Variants in HTR1F observed in about 807,000 individuals in gnomAD.
HTR1F encodes the protein 5-hydroxytryptamine (serotonin) receptor 1F, G protein-coupled.
Under a neutral mutation model 24.0 loss-of-function variants are expected in HTR1F, and 17 were observed. The observed-to-expected ratio is 0.71, with a 90% CI of 0.48 to 1.06. The LOEUF (loss-of-function observed/expected upper bound fraction) is 1.06, where lower values mean the gene tolerates loss of function less well. Ranked by LOEUF, HTR1F falls within the 50% of genes least tolerant of loss-of-function variation. The pLI, the probability that HTR1F is intolerant of heterozygous loss-of-function variation, is 0.00. For missense variants in HTR1F, 391 were observed against 427.8 expected (o/e 0.91, Z 0.76); for synonymous variants, 186 against 156.8 (o/e 1.19, Z -1.39).
intron 2 of HTR1F, among the ~76,000 whole-genome samples, chr3:87,974,100 T>C (rs1301933193): frequency 6.6e-6 from 1 of 152,226 alleles, no homozygotes; most frequent in Non-Finnish European, 1.5e-5. Flanking sequence ...AAACCTCGTC[T>C]GCTCAGCAGG....
intron 1 of HTR1F, among the ~76,000 whole-genome samples, chr3:87,800,463 T>G (rs1703973278): frequency 6.6e-6 from 1 of 152,236 alleles, no homozygotes; most frequent in Non-Finnish European, 1.5e-5. Flanking sequence ...GACTTCTTCC[T>G]TTGCTAAAAA....
chr3:87,968,851 C>T (rs72917716), intron 2 of HTR1F, among the ~76,000 whole-genome samples: 2 of 152,176 alleles, frequency 1.3e-5, no homozygotes, highest in Non-Finnish European at 2.9e-5. Flanking sequence ...AAGGCAAAAA[C>T]GGTTTCCTGG....
At chr3:87,833,942 C>T (rs1704633096) in intron 2 of HTR1F, among the ~76,000 whole-genome samples, 1 of 152,120 alleles carries the variant, frequency 6.6e-6, no homozygotes. Flanking sequence ...TACAAGTTCA[C>T]TTCTGATTGT....
intron 2 of HTR1F, among the ~76,000 whole-genome samples, chr3:87,863,728 T>G (rs182359930): frequency 6.6e-6 from 1 of 152,356 alleles, no homozygotes; most frequent in African/African-American, 2.4e-5. Flanking sequence ...ACTTCTACAC[T>G]TTAGGTATTT....
At chr3:87,916,318 A>AC (rs1390602593) in intron 2 of HTR1F, among the ~76,000 whole-genome samples, 1 of 150,974 alleles carries the variant, frequency 6.6e-6, no homozygotes, top group Non-Finnish European at 1.5e-5. Flanking sequence ...AGAAAAAAAA[A>AC]AAAAAAAAAA....
At chr3:87,938,176 C>T (rs1457805299) in intron 2 of HTR1F, among the ~76,000 whole-genome samples, 1 of 152,038 alleles carries the variant, frequency 6.6e-6, no homozygotes, top group Non-Finnish European at 1.5e-5. Flanking sequence ...ATCAGGAACA[C>T]AGTCCCGTTC....
chr3:87,934,852 T>G (rs1294096463), intron 2 of HTR1F, among the ~76,000 whole-genome samples: 1 of 152,162 alleles, frequency 6.6e-6, no homozygotes, highest in Non-Finnish European at 1.5e-5. Flanking sequence ...AATTTAAAGC[T>G]TATACTCTTA....
intron 2 of HTR1F, among the ~76,000 whole-genome samples, chr3:87,936,915 G>C (rs1375894942): frequency 6.6e-6 from 1 of 151,492 alleles, no homozygotes; most frequent in East Asian, 1.9e-4. Flanking sequence ...ACCATCTCAA[G>C]ACTGAACCAA....
chr3:87,893,980 C>T (rs752794117), intron 2 of HTR1F, among the ~76,000 whole-genome samples: 4 of 151,760 alleles, frequency 2.6e-5, no homozygotes, highest in Non-Finnish European at 5.9e-5. Flanking sequence ...CATTTTTTTT[C>T]CTTTCTGCTT....
intron 2 of HTR1F, among the ~76,000 whole-genome samples, chr3:87,931,966 T>G (rs1227680421): frequency 6.6e-6 from 1 of 152,192 alleles, no homozygotes; most frequent in Non-Finnish European, 1.5e-5. Context: ...ATGAGTGGGT[T>G]GCAAAAATTT....
At chr3:87,851,924 T>A (rs1197546209) in intron 2 of HTR1F, among the ~76,000 whole-genome samples, 1 of 149,194 alleles carries the variant, frequency 6.7e-6, no homozygotes, top group Non-Finnish European at 1.5e-5. Context: ...AATAACAGTT[T>A]AATTTACTTT....
chr3:87,968,901 C>G (rs72917717), intron 2 of HTR1F, among the ~76,000 whole-genome samples: 1 of 152,190 alleles, frequency 6.6e-6, no homozygotes, highest in Admixed American at 6.5e-5. Flanking sequence ...AGCCTGGGGA[C>G]TTGGTACTCG....
At chr3:87,951,391 A>G (rs543191882) in intron 2 of HTR1F, among the ~76,000 whole-genome samples, 55 of 152,254 alleles carry the variant, frequency 3.6e-4, no homozygotes, top group African/African-American at 1.3e-3. Context: ...CCTTCTCATA[A>G]TAAAAACAAG....
chr3:87,822,311 G>A (rs566932747), intron 2 of HTR1F, among the ~76,000 whole-genome samples, 187 bp downstream of exon 2: 37 of 152,300 alleles, frequency 2.4e-4, no homozygotes, highest in African/African-American at 8.7e-4. Context: ...GTGTTTCAAG[G>A]TGAAAGGAAG....
At chr3:87,920,968 T>G (rs1704001492) in intron 2 of HTR1F, among the ~76,000 whole-genome samples, 1 of 152,054 alleles carries the variant, frequency 6.6e-6, no homozygotes, top group Admixed American at 6.6e-5. Flanking sequence ...TTTCCTTAGG[T>G]TTTAATTTAC....
intron 2 of HTR1F, among the ~76,000 whole-genome samples, chr3:87,944,115 C>T (rs1309994368): frequency 6.6e-6 from 1 of 152,132 alleles, no homozygotes; most frequent in East Asian, 1.9e-4. Flanking sequence ...TTCCACCTTC[C>T]TTGACCACAA....
At chr3:87,985,331 C>A in intron 2 of HTR1F, among the ~76,000 whole-genome samples, 1 of 111,458 alleles carries the variant, frequency 9.0e-6, no homozygotes, top group Non-Finnish European at 1.9e-5. Flanking sequence ...AGCGAACCTC[C>A]ATCTCAAAAA....
In HTR1F at chr3:87,902,229, A is replaced by G. The variant is rs565359903; in HGVS notation, c.-43+80105A>G. Among the ~76,000 whole-genome samples the G allele has an allele frequency of 3.3e-5, 5 of 152,264 alleles. No homozygotes were observed. In the East Asian group the frequency reaches 7.7e-4, roughly 24 times the overall value. ...GGTGTAAGGACAGGAAAGTAGCACA[A>G]TAGAATAAAACAGAGACCCTAAAAA... On this transcript the variant is annotated intron_variant, in intron 2 of 2. Coordinates refer to ENST00000319595, the MANE Select transcript of HTR1F (RefSeq NM_001322209.2).
chr3:87,935,548 A>C (rs532502320), intron 2 of HTR1F, among the ~76,000 whole-genome samples: 1 of 152,302 alleles, frequency 6.6e-6, no homozygotes, highest in African/African-American at 2.4e-5. Context: ...TGCTTCACTC[A>C]GCTGAAAGAC....
Sources: allele counts gnomAD v4.1 joint callset (sites outside exome capture counted in the v4.1 genomes callset), GRCh38; gene constraint gnomAD v4.1.1; transcripts MANE v1.5; gene names NCBI Gene and HGNC (gene_info 2026-07-23, HGNC 2026-07-21).